The following MAN1C1 variants were observed in gnomAD, a reference collection of about 807,000 sequenced individuals.
MAN1C1 encodes mannosidase alpha class 1C member 1.
MAN1C1 carries 49 observed loss-of-function variants against 71.5 expected under a neutral mutation model. The observed-to-expected ratio is 0.69, with a 90% CI of 0.54 to 0.87. The LOEUF (loss-of-function observed/expected upper bound fraction) is 0.87. MAN1C1 is among the 40% of genes least tolerant of loss of function. The pLI, the probability that MAN1C1 is intolerant of heterozygous loss-of-function variation, is 0.00. For missense variants in MAN1C1, 743 were observed against 835.0 expected, an observed-to-expected ratio of 0.89 and a Z score of 1.36; for synonymous variants, 352 against 343.7, an observed-to-expected ratio of 1.02 and a Z score of -0.27.
At chr1:25,703,996 C>T (rs1242978289) in intron 2 of MAN1C1, among the ~76,000 whole-genome samples, 2 of 152,154 alleles carry the variant, frequency 1.3e-5, no homozygotes, top group East Asian at 3.9e-4. Context: ...TTGCCCAAGC[C>T]CATCCCATCA....
At chr1:25,695,440 T>C (rs2046357639) in intron 2 of MAN1C1, among the ~76,000 whole-genome samples, 1 of 152,154 alleles carries the variant, frequency 6.6e-6, no homozygotes. Context: ...AGACAGATGC[T>C]ACGGCCCCAT....
intron 1 of MAN1C1, among the ~76,000 whole-genome samples, chr1:25,618,898 A>G (rs572353500): frequency 1.0e-3 from 152 of 152,280 alleles, no homozygotes; most frequent in South Asian, 1.7e-3. Flanking sequence ...TTCTGTTTCT[A>G]TTGAGCTTAT....
chr1:25,650,422 C>T (rs1270690055), intron 1 of MAN1C1, among the ~76,000 whole-genome samples: 1 of 152,160 alleles, frequency 6.6e-6, no homozygotes, highest in Non-Finnish European at 1.5e-5. Context: ...AGTGTTTGCT[C>T]TTCTGAGGCT....
intron 1 of MAN1C1, among the ~76,000 whole-genome samples, chr1:25,679,953 ATATATATATAT>A (rs2046126467): frequency 1.8e-5 from 2 of 113,766 alleles, no homozygotes; most frequent in Non-Finnish European, 3.4e-5. Flanking sequence ...AAAAAAAAAT[ATATATATATAT>A]ATATATATAT....
At chr1:25,666,184 G>C (rs181966675) in intron 1 of MAN1C1, among the ~76,000 whole-genome samples, 73 of 152,264 alleles carry the variant, frequency 4.8e-4, no homozygotes, top group African/African-American at 1.7e-3. Flanking sequence ...ATTTCTTCTG[G>C]CTCTTCCCCT....
intron 1 of MAN1C1, among the ~76,000 whole-genome samples, chr1:25,650,721 A>G (rs923953335): frequency 2.6e-5 from 4 of 152,202 alleles, no homozygotes; most frequent in Non-Finnish European, 4.4e-5. Context: ...TAAATCTACC[A>G]AACTTGGATG....
chr1:25,762,735 A>T (rs1423635697), intron 6 of MAN1C1, among the ~76,000 whole-genome samples: 1 of 151,628 alleles, frequency 6.6e-6, no homozygotes, highest in Non-Finnish European at 1.5e-5. Flanking sequence ...GCTATACCAC[A>T]TTTTTTTTAT....
At chr1:25,766,399 C>T (rs1372929651) in intron 7 of MAN1C1, among the ~76,000 whole-genome samples, 1 of 152,064 alleles carries the variant, frequency 6.6e-6, no homozygotes, top group Non-Finnish European at 1.5e-5. Context: ...GCATTACCAC[C>T]TTGCATAAGC....
At chr1:25,688,456 G>T (rs983085081) in intron 2 of MAN1C1, among the ~76,000 whole-genome samples, 1 of 152,156 alleles carries the variant, frequency 6.6e-6, no homozygotes, top group Non-Finnish European at 1.5e-5. Context: ...GGGGTGGGAG[G>T]GGCTGATGAT....
At chr1:25,699,970 G>A (rs867845986) in intron 2 of MAN1C1, among the ~76,000 whole-genome samples, 10 of 152,202 alleles carry the variant, frequency 6.6e-5, no homozygotes, top group Non-Finnish European at 1.2e-4. Context: ...AACTATGCAG[G>A]GATCAATAGG....
intron 2 of MAN1C1, among the ~76,000 whole-genome samples, chr1:25,707,295 A>C (rs983481174): frequency 3.9e-5 from 6 of 152,216 alleles, no homozygotes; most frequent in Admixed American, 2.0e-4. Flanking sequence ...CCCTGGACTT[A>C]CCGTCAAGCT....
At chr1:25,717,555 A>G (rs935448115) in intron 2 of MAN1C1, among the ~76,000 whole-genome samples, 13 of 151,788 alleles carry the variant, frequency 8.6e-5, no homozygotes, top group Non-Finnish European at 1.9e-4. Flanking sequence ...TGTCTTTTTC[A>G]AAGCAGATGT....
intron 1 of MAN1C1, among the ~76,000 whole-genome samples, chr1:25,679,950 AATAT>A (rs71576063): frequency 8.6e-4 from 101 of 117,194 alleles, no homozygotes; most frequent in African/African-American, 2.1e-3. Flanking sequence ...AAAAAAAAAA[AATAT>A]ATATATATAT....
At chr1:25,679,865 C>CTT (rs71014381) in intron 1 of MAN1C1, among the ~76,000 whole-genome samples, 1 of 140,768 alleles carries the variant, frequency 7.1e-6, no homozygotes, top group African/African-American at 2.6e-5. Context: ...TTTTCTTTTT[C>CTT]TTTTTTTTCT....
intron 2 of MAN1C1, among the ~76,000 whole-genome samples, chr1:25,736,718 G>A (rs2046987779): frequency 6.6e-6 from 1 of 152,128 alleles, no homozygotes; most frequent in South Asian, 2.1e-4. Flanking sequence ...GTAGAGACAG[G>A]GTTTTGCCAT....
At chr1:25,687,511 C>G (rs1372583987) in intron 2 of MAN1C1, among the ~76,000 whole-genome samples, 4 of 152,226 alleles carry the variant, frequency 2.6e-5, no homozygotes, top group Non-Finnish European at 5.9e-5. Context: ...CTTACAGATA[C>G]AGGCTCCTGA....
intron 2 of MAN1C1, among the ~76,000 whole-genome samples, chr1:25,724,868 C>T (rs2046812648): frequency 6.6e-6 from 1 of 152,306 alleles, no homozygotes; most frequent in Non-Finnish European, 1.5e-5. Context: ...AACAATCAGA[C>T]ATGATCTCTC....
chr1:25,629,958 T>G (rs1382368450), intron 1 of MAN1C1, among the ~76,000 whole-genome samples: 1 of 152,212 alleles, frequency 6.6e-6, no homozygotes, highest in Non-Finnish European at 1.5e-5. Context: ...AGTCATGAAG[T>G]CTTTGCCTAG....
intron 1 of MAN1C1, among the ~76,000 whole-genome samples, chr1:25,680,361 C>T (rs1254519211): frequency 2.6e-5 from 4 of 152,148 alleles, no homozygotes; most frequent in African/African-American, 9.7e-5. Flanking sequence ...CCATGCCCAG[C>T]CTCAGTCATT....
Sources: gnomAD v4.1 joint callset for allele counts (sites outside exome capture counted in the v4.1 genomes callset) on GRCh38, gnomAD v4.1.1 for gene constraint, MANE v1.5 for transcripts, NCBI Gene and HGNC (gene_info 2026-07-23, HGNC 2026-07-21) for gene names.